The following PGBD5 variants were observed in gnomAD, a reference collection of about 807,000 sequenced individuals.
The protein encoded by PGBD5 is piggyBac transposable element-derived protein 5.
A neutral mutation model predicts 47.9 loss-of-function variants in PGBD5; 14 were observed. The observed-to-expected ratio is 0.29, with a 90% CI of 0.19 to 0.46. The LOEUF (loss-of-function observed/expected upper bound fraction) is 0.46, where lower values mean the gene tolerates loss of function less well. PGBD5 is among the 20% of genes least tolerant of loss of function. The pLI, the probability that PGBD5 is intolerant of heterozygous loss-of-function variation, is 1.00. For synonymous variants in PGBD5, 316 were observed against 306.3 expected (o/e 1.03, Z -0.33); for missense variants, 635 against 716.0 (o/e 0.89, Z 1.29).
In PGBD5 at chr1:230,382,203, T is replaced by A. The variant is rs540555628; in HGVS notation, c.332-24882A>T. Among the ~76,000 whole-genome samples the A allele has an allele frequency of 6.1e-4, 93 of 152,228 alleles. No homozygotes were observed. In the Middle Eastern group the frequency reaches 0.017, roughly 28 times the overall value. The stretch of plus-strand genomic sequence containing the variant: ...GGACATGCTCAGAGACAGCCCTGAG[T>A]GTCTCGCTGCAGAATCGCCTGTGGT... On this transcript the variant is annotated intron_variant, in intron 1 of 6. Transcript: ENST00000391860.
At chr1:230,335,744 A>AAC (rs1667305347) in intron 4 of PGBD5, among the ~76,000 whole-genome samples, 17 of 20,792 alleles carry the variant, frequency 8.2e-4, no homozygotes, top group South Asian at 2.5e-3. Flanking sequence ...GACTTACACA[A>AAC]AGACACACAC....
At chr1:230,351,835 T>A (rs1473437295) in intron 2 of PGBD5, among the ~76,000 whole-genome samples, 3 of 152,208 alleles carry the variant, frequency 2.0e-5, no homozygotes, top group Admixed American at 6.5e-5. Flanking sequence ...AACTTTTTGA[T>A]AACATGATTA....
chr1:230,362,931 G>A (rs1242022826), intron 1 of PGBD5, among the ~76,000 whole-genome samples: 1 of 152,088 alleles, frequency 6.6e-6, no homozygotes, highest in Non-Finnish European at 1.5e-5. Context: ...TGGGTGGGTG[G>A]GACGAGTGGT....
chr1:230,352,254 C>T (rs750290703), intron 2 of PGBD5, among the ~76,000 whole-genome samples: 2 of 152,134 alleles, frequency 1.3e-5, no homozygotes, highest in African/African-American at 2.4e-5. Flanking sequence ...GTGACCACAC[C>T]GATACAAAGT....
At chr1:230,400,468 G>C (rs1657109528) in intron 1 of PGBD5, among the ~76,000 whole-genome samples, 2 of 152,184 alleles carry the variant, frequency 1.3e-5, no homozygotes, top group African/African-American at 4.8e-5. Flanking sequence ...GCTTCATGGA[G>C]GCCAGAATCT....
chr1:230,417,966 C>T (rs997390397), intron 1 of PGBD5, among the ~76,000 whole-genome samples: 1 of 152,206 alleles, frequency 6.6e-6, no homozygotes, highest in African/African-American at 2.4e-5. Flanking sequence ...CTTTTGCCCC[C>T]CCAGGGGACA....
intron 1 of PGBD5, among the ~76,000 whole-genome samples, chr1:230,390,936 C>T (rs1403715515): frequency 6.6e-6 from 1 of 152,146 alleles, no homozygotes; most frequent in Non-Finnish European, 1.5e-5. Context: ...GACAGGGTTT[C>T]ATCATGTTGG....
intron 1 of PGBD5, among the ~76,000 whole-genome samples, chr1:230,364,737 C>A (rs1411338622): frequency 7.2e-5 from 11 of 152,250 alleles, no homozygotes; most frequent in Admixed American, 3.9e-4. Context: ...TAAATAAAAG[C>A]TGGCCAGGCG....
rs1420293936 is a variant in PGBD5, at chr1:230,318,447, AT to A, written c.*4977del. On this transcript the variant is annotated 3_prime_UTR_variant, in exon 7 of 7. Transcript: ENST00000391860. ...CTGACACAGGGCCGTAACAGGAGAGATTTCTTCACAGACAGAACTGTTTTCC... is the reference window on the plus strand; with the variant it reads ...CTGACACAGGGCCGTAACAGGAGAGATTCTTCACAGACAGAACTGTTTTCC... 3 of 152,316 alleles carry A rather than the reference AT, an allele frequency of 2.0e-5. No individual in the cohort carries two copies. The highest frequency in any genetic ancestry group is 7.2e-5 in the African/African-American group (3 of 41,526). 9.4% of individuals were successfully genotyped at this position (152,316 alleles called of 1,614,324 possible). A position where few individuals can be genotyped will look rare whatever the true frequency, so the allele number is the denominator to read the frequency against.
chr1:230,330,754 A>AG (rs57055075), intron 5 of PGBD5, among the ~76,000 whole-genome samples: 2 of 152,078 alleles, frequency 1.3e-5, no homozygotes, highest in African/African-American at 4.8e-5. Context: ...TGGAGTGGGG[A>AG]GGGGGGCTAC....
chr1:230,399,886 G>A lies in PGBD5; in HGVS notation c.331+25712C>T, dbSNP rs146312489. ...CACAACACGTCAGGAATCTGAAGGCGTCTCATCGTCTCCACCATCTCTTGC... is the reference window on the plus strand; with the variant it reads ...CACAACACGTCAGGAATCTGAAGGCATCTCATCGTCTCCACCATCTCTTGC... On this transcript the variant is annotated intron_variant, in intron 1 of 6. Transcript: ENST00000391860. Among the ~76,000 whole-genome samples the A allele has an allele frequency of 5.7e-4, 87 of 152,334 alleles. 1 individual carries two copies. The highest frequency in any genetic ancestry group is 1.1e-3 in the Non-Finnish European group (73 of 68,038).
chr1:230,348,454 C>T (rs1202856839), intron 3 of PGBD5, among the ~76,000 whole-genome samples: 1 of 152,194 alleles, frequency 6.6e-6, no homozygotes, highest in Non-Finnish European at 1.5e-5. Flanking sequence ...CCCTGTGAGC[C>T]AAAGCCACCT....
intron 3 of PGBD5, among the ~76,000 whole-genome samples, chr1:230,345,754 A>C (rs1371474340): frequency 1.3e-5 from 2 of 152,262 alleles, no homozygotes; most frequent in African/African-American, 2.4e-5. Context: ...GAGGGTAAAC[A>C]ACCATGAAAT....
intron 1 of PGBD5, among the ~76,000 whole-genome samples, chr1:230,422,427 T>C (rs1657668470): frequency 6.6e-6 from 1 of 151,924 alleles, no homozygotes; most frequent in Non-Finnish European, 1.5e-5. Context: ...GGCTGACAGC[T>C]TGAGGGGGCT....
chr1:230,385,041 T>C lies in PGBD5; in HGVS notation c.332-27720A>G, dbSNP rs78072198. Among the ~76,000 whole-genome samples the C allele has an allele frequency of 4.1e-4, 62 of 152,360 alleles. No individual in the cohort carries two copies. The East Asian group carries it at 7.9e-3, about 19-fold the overall frequency. On this transcript the variant is annotated intron_variant, in intron 1 of 6. Transcript: ENST00000391860. ...ACAGTTAAAATTGCTGCCTTTCATT[T>C]TGCCAGTCAGCCCAGCATGCCACAT...
At chr1:230,355,698 A>T (rs1423465496) in intron 2 of PGBD5, among the ~76,000 whole-genome samples, 1 of 152,202 alleles carries the variant, frequency 6.6e-6, no homozygotes, top group Non-Finnish European at 1.5e-5. Flanking sequence ...GGGAATTCAG[A>T]TAACAGGGAA....
chr1:230,360,747 T>G (rs187944685), intron 1 of PGBD5, among the ~76,000 whole-genome samples: 4 of 152,326 alleles, frequency 2.6e-5, no homozygotes, highest in Non-Finnish European at 5.9e-5. Flanking sequence ...CCCTCAGGTA[T>G]TTCTTCATAG....
In PGBD5 at chr1:230,409,388, C is replaced by A. The variant is rs561444342; in HGVS notation, c.331+16210G>T. Among the ~76,000 whole-genome samples the A allele has an allele frequency of 6.6e-5, 10 of 152,258 alleles. No homozygotes were observed. In the South Asian group the frequency reaches 2.1e-3, roughly 32 times the overall value. ...TACCCAAGAAAAATGAAAACCATGT[C>A]CACACGAAAACCTGTACATAAAGGT... is the stretch of plus-strand genomic sequence containing the variant. On this transcript the variant is annotated intron_variant, in intron 1 of 6. Transcript: ENST00000391860.
At chr1:230,345,607 G>T (rs1325851321) in intron 3 of PGBD5, among the ~76,000 whole-genome samples, 3 of 152,176 alleles carry the variant, frequency 2.0e-5, no homozygotes, top group African/African-American at 7.2e-5. Flanking sequence ...TATGATTTTT[G>T]ACTTCATGAT....
Sources: gnomAD v4.1 joint callset for allele counts (sites outside exome capture counted in the v4.1 genomes callset) on GRCh38, gnomAD v4.1.1 for gene constraint, MANE v1.5 for transcripts, NCBI Gene and HGNC (gene_info 2026-07-23, HGNC 2026-07-21) for gene names.